ARMH4: variants seen among roughly 807,000 people sequenced by gnomAD.
The protein encoded by ARMH4 is armadillo like helical domain containing 4.
A neutral mutation model predicts 61.9 loss-of-function variants in ARMH4; 49 were observed. The observed-to-expected ratio is 0.79, with a 90% CI of 0.63 to 1.00. The LOEUF (loss-of-function observed/expected upper bound fraction) is 1.00, where lower values mean the gene tolerates loss of function less well. Among genes scored for constraint, ARMH4 ranks in the 50% least tolerant of loss-of-function variants. ARMH4 has a pLI of 0.00. For synonymous variants in ARMH4, 368 were observed against 341.5 expected, an observed-to-expected ratio of 1.08 and a Z score of -0.85; for missense variants, 934 against 930.0, an observed-to-expected ratio of 1.00 and a Z score of -0.06.
At chr14:58,006,399 G>T (rs1882170933) in intron 6 of ARMH4, among the ~76,000 whole-genome samples, 1 of 152,148 alleles carries the variant, frequency 6.6e-6, no homozygotes, top group South Asian at 2.1e-4. Flanking sequence ...CAGGACAGAG[G>T]ATAAAAGTTT....
chr14:58,131,513 T>A lies in ARMH4; in HGVS notation c.1830A>T (p.Glu610Asp), dbSNP rs1338588911. 1 of 1,612,456 alleles carries A rather than the reference T, an allele frequency of 6.2e-7. No individual in the cohort carries two copies. Among genetic ancestry groups the A allele is most frequent in the Non-Finnish European group, 8.5e-7 (1 of 1,178,480 alleles). Residue 610 changes from glutamate to aspartate, a missense_variant and splice_region_variant, in exon 4 of 8, where the codon GAA becomes GAT. Transcript: ENST00000267485. ...AGATCCCCTTCAAAGCATGAATACC[T>A]TCAGATTCAAGTTGGTCCAGGCCAT... ...ASYGLDQLES[E>D]EGQEDEDEED...
At chr14:58,074,182 C>CA (rs1212401891) in intron 5 of ARMH4, among the ~76,000 whole-genome samples, 16 of 152,298 alleles carry the variant, frequency 1.1e-4, no homozygotes, top group Admixed American at 7.8e-4. Context: ...GGGACAACCT[C>CA]ATGCCAGGCT....
chr14:58,099,694 T>C (rs978075602), intron 4 of ARMH4, among the ~76,000 whole-genome samples: 6 of 151,864 alleles, frequency 4.0e-5, no homozygotes, highest in Admixed American at 3.3e-4. Flanking sequence ...AAATAGAATA[T>C]AGAAAATAGA....
intron 5 of ARMH4, among the ~76,000 whole-genome samples, chr14:58,070,990 C>A (rs1884866123): frequency 6.6e-6 from 1 of 151,952 alleles, no homozygotes; most frequent in African/African-American, 2.4e-5. Flanking sequence ...TATTTTGTAA[C>A]CTGATACATT....
intron 5 of ARMH4, among the ~76,000 whole-genome samples, chr14:58,018,804 G>C (rs1363453234): frequency 1.3e-5 from 2 of 152,120 alleles, no homozygotes; most frequent in Non-Finnish European, 2.9e-5. Flanking sequence ...TCAGTATGTT[G>C]AAGAGATATC....
Position 58,032,693 on chromosome 14 carries a change from G to A in ARMH4, c.2090-20543C>T, listed in dbSNP as rs934790721. Among the ~76,000 whole-genome samples, 12 of 151,880 alleles carry A rather than the reference G, an allele frequency of 7.9e-5. No homozygotes were observed. The South Asian group carries it at 8.3e-4, about 11-fold the overall frequency. On this transcript the variant is annotated intron_variant, in intron 5 of 7. Coordinates refer to ENST00000267485, the MANE Select transcript of ARMH4 (RefSeq NM_001001872.4). Reference sequence around the variant, plus strand: ...ACAGTGGGCGCAGGCCAGTGTGTGCGCGCACCGTGCGCGAGCCGAAGCAGG... The same window carrying A: ...ACAGTGGGCGCAGGCCAGTGTGTGCACGCACCGTGCGCGAGCCGAAGCAGG...
At chr14:58,078,768 T>C (rs1012602790) in intron 5 of ARMH4, among the ~76,000 whole-genome samples, 1 of 152,246 alleles carries the variant, frequency 6.6e-6, no homozygotes, top group African/African-American at 2.4e-5. Flanking sequence ...CCCAAAAACC[T>C]TTCTTTACAA....
chr14:58,123,401 A>G (rs913023892), intron 4 of ARMH4, among the ~76,000 whole-genome samples: 15 of 152,176 alleles, frequency 9.9e-5, no homozygotes, highest in African/African-American at 3.6e-4. Context: ...CCAAGGCTCA[A>G]CAAGGACTCC....
intron 5 of ARMH4, among the ~76,000 whole-genome samples, chr14:58,040,742 C>G (rs933223411): frequency 4.6e-5 from 7 of 152,066 alleles, no homozygotes; most frequent in African/African-American, 1.7e-4. Flanking sequence ...ATTTTCCCAC[C>G]AAGATTTTGT....
chr14:58,057,444 A>G (rs1040580177), intron 5 of ARMH4, among the ~76,000 whole-genome samples: 8 of 152,216 alleles, frequency 5.3e-5, no homozygotes, highest in African/African-American at 1.9e-4. Context: ...TACAGCTTAG[A>G]AGGATGAATT....
At chr14:58,082,278 G>A (rs1296414889) in intron 5 of ARMH4, among the ~76,000 whole-genome samples, 1 of 152,218 alleles carries the variant, frequency 6.6e-6, no homozygotes, top group Admixed American at 6.5e-5. Flanking sequence ...GCTCGAGGAA[G>A]TAGTGGGTAA....
intron 5 of ARMH4, among the ~76,000 whole-genome samples, chr14:58,049,606 C>A (rs916935593): frequency 7.9e-5 from 12 of 152,180 alleles, no homozygotes; most frequent in African/African-American, 2.9e-4. Flanking sequence ...TGACCCAGGT[C>A]CTGCCTTCAA....
intron 1 of ARMH4, among the ~76,000 whole-genome samples, chr14:58,140,334 A>C (rs1397909515): frequency 6.7e-6 from 1 of 149,872 alleles, no homozygotes; most frequent in Non-Finnish European, 1.5e-5. Context: ...TAATCCCAGC[A>C]CTTTAGGAGG....
At chr14:58,038,828 A>T (rs1297800247) in intron 5 of ARMH4, among the ~76,000 whole-genome samples, 1 of 152,238 alleles carries the variant, frequency 6.6e-6, no homozygotes, top group Non-Finnish European at 1.5e-5. Context: ...TACACTCATA[A>T]TTAGACAAAC....
At chr14:58,041,343 T>A (rs1057435756) in intron 5 of ARMH4, among the ~76,000 whole-genome samples, 3 of 152,100 alleles carry the variant, frequency 2.0e-5, no homozygotes, top group African/African-American at 7.2e-5. Context: ...CCAGCCAAAC[T>A]AAGCTTCCTA....
chr14:58,107,983 T>C (rs1886222329), intron 4 of ARMH4, among the ~76,000 whole-genome samples: 1 of 152,100 alleles, frequency 6.6e-6, no homozygotes, highest in East Asian at 1.9e-4. Flanking sequence ...CCAATAACAA[T>C]CAAAAGCCAT....
intron 5 of ARMH4, among the ~76,000 whole-genome samples, chr14:58,089,455 T>C (rs1192736579): frequency 6.6e-6 from 1 of 152,230 alleles, no homozygotes; most frequent in African/African-American, 2.4e-5. Context: ...CACAGTCAAG[T>C]GCTCTGTTTC....
At chr14:58,066,713 C>A (rs1212660092) in intron 5 of ARMH4, among the ~76,000 whole-genome samples, 3 of 152,138 alleles carry the variant, frequency 2.0e-5, no homozygotes, top group East Asian at 1.9e-4. Context: ...TGAGGAAAAA[C>A]CAAAAACAGC....
intron 1 of ARMH4, among the ~76,000 whole-genome samples, chr14:58,151,348 A>G (rs1887911944): frequency 6.6e-6 from 1 of 152,134 alleles, no homozygotes; most frequent in Non-Finnish European, 1.5e-5. Context: ...GGCACATGAG[A>G]CATTTGGGCA....
Sources: allele counts gnomAD v4.1 joint callset (sites outside exome capture counted in the v4.1 genomes callset), GRCh38; gene constraint gnomAD v4.1.1; transcripts MANE v1.5; gene names NCBI Gene and HGNC (gene_info 2026-07-23, HGNC 2026-07-21).